The following NBAS variants were observed in gnomAD, a reference collection of about 807,000 sequenced individuals.
NBAS encodes the protein NAG/BC035112 fusion.
In NBAS, 219 loss-of-function variants were observed where a neutral mutation model predicts 302.5. The ratio of observed to expected loss-of-function variants is 0.72; its 90% CI spans 0.65 to 0.81. The LOEUF (loss-of-function observed/expected upper bound fraction) is 0.81, where lower values mean the gene tolerates loss of function less well. Ranked by LOEUF, NBAS falls within the 30% of genes least tolerant of loss-of-function variation. The pLI is 0.00. For synonymous variants in NBAS, 1,118 were observed against 1,021.6 expected, an observed-to-expected ratio of 1.09 and a Z score of -1.80; for missense variants, 2,932 against 2,841.6, an observed-to-expected ratio of 1.03 and a Z score of -0.72.
rs78403773 is a variant in NBAS, at chr2:15,364,005, G to A, written c.3817+2575C>T. On this transcript the variant is annotated intron_variant, in intron 32 of 51. Coordinates refer to ENST00000281513, the MANE Select transcript of NBAS (RefSeq NM_015909.4). Reference sequence around the variant, plus strand: ...GAACACACTCAAGCAGCCCAATGGAGAGTTCCATGTAGCAGGAAACTGAGG... The same window carrying A: ...GAACACACTCAAGCAGCCCAATGGAAAGTTCCATGTAGCAGGAAACTGAGG... 8.4e-3 allele frequency among the ~76,000 whole-genome samples: 1,285 copies of A among 152,258 alleles called. 19 individuals carry two copies. Among genetic ancestry groups the A allele is most frequent in the East Asian group, 0.059 (304 of 5,158 alleles).
chr2:14,897,936 G>A, the NBAS span, among the ~76,000 whole-genome samples: 10 of 152,198 alleles, frequency 6.6e-5, no homozygotes, highest in Non-Finnish European at 1.0e-4. Context: ...AAGGCTTGAT[G>A]TTGGACACTT....
intron 44 of NBAS, among the ~76,000 whole-genome samples, chr2:15,240,642 CAG>C (rs770133504): frequency 3.3e-5 from 5 of 151,806 alleles, no homozygotes; most frequent in African/African-American, 7.3e-5. Context: ...AAAATGCTGA[CAG>C]GGGACATTTT....
At chr2:14,837,623 A>T in the NBAS span, among the ~76,000 whole-genome samples, 1 of 151,684 alleles carries the variant, frequency 6.6e-6, no homozygotes, top group Admixed American at 6.6e-5. Flanking sequence ...TTTTATGTTT[A>T]TTCTTGTGAC....
the NBAS span, among the ~76,000 whole-genome samples, chr2:14,878,570 A>C: frequency 6.6e-6 from 1 of 152,218 alleles, no homozygotes; most frequent in Non-Finnish European, 1.5e-5. Context: ...ACCTCCACTC[A>C]GAAGCTGGGA....
At chr2:15,146,826 G>A in the NBAS span, among the ~76,000 whole-genome samples, 2 of 152,106 alleles carry the variant, frequency 1.3e-5, no homozygotes, top group East Asian at 1.9e-4. Flanking sequence ...GAGTGAGCAC[G>A]ACCCACACAT....
the NBAS span, among the ~76,000 whole-genome samples, chr2:14,867,018 C>T: frequency 6.6e-6 from 1 of 151,982 alleles, no homozygotes; most frequent in Non-Finnish European, 1.5e-5. Flanking sequence ...GAATTTTGTG[C>T]CAAAAAGATC....
At chr2:15,349,795 A>T (rs933070479) in intron 35 of NBAS, among the ~76,000 whole-genome samples, 4 of 152,200 alleles carry the variant, frequency 2.6e-5, no homozygotes, top group Middle Eastern at 3.2e-3. Context: ...CTCAAAAATA[A>T]ATAAATTAAT....
intron 35 of NBAS, among the ~76,000 whole-genome samples, chr2:15,345,452 T>C (rs921201914): frequency 6.6e-6 from 1 of 152,104 alleles, no homozygotes; most frequent in Non-Finnish European, 1.5e-5. Flanking sequence ...ACAAGGGATG[T>C]GAAGGACCTC....
At chr2:15,215,631 A>C (rs990738972) in intron 48 of NBAS, among the ~76,000 whole-genome samples, 2 of 152,216 alleles carry the variant, frequency 1.3e-5, no homozygotes, top group Non-Finnish European at 2.9e-5. Context: ...AAAAAACAAG[A>C]GCTCATACAG....
rs140555177 is a variant in NBAS at position 15,474,228 on chromosome 2, A to G, written c.1438T>C (p.Ser480Pro). The G allele has an allele frequency of 1.1e-4, 180 of 1,614,128 alleles. 1 individual carries two copies. In the Middle Eastern group the frequency reaches 2.1e-3, roughly 19 times the overall value. ...EEDSDSDYEISAKARYFGYIK... is the reference protein window; with the variant it reads ...EEDSDSDYEIPAKARYFGYIK... ...TAACCAAAGTAGCGAGCCTTGGCAG[A>G]TATTTCATAATCAGAATCAGAATCC... is the stretch of plus-strand genomic sequence containing the variant. Residue 480 changes from serine to proline, a missense_variant, in exon 15 of 52, where the codon TCT (serine) becomes CCT (proline). By Grantham distance (74) the Ser-to-Pro change is moderately conservative. Transcript: ENST00000281513.
the NBAS span, among the ~76,000 whole-genome samples, chr2:15,031,780 G>A: frequency 6.6e-6 from 1 of 152,218 alleles, no homozygotes; most frequent in Non-Finnish European, 1.5e-5. Flanking sequence ...TACTGCACTG[G>A]GCGAGCAAGT....
At chr2:15,252,385 C>T (rs1236504421) in intron 44 of NBAS, among the ~76,000 whole-genome samples, 1 of 152,060 alleles carries the variant, frequency 6.6e-6, no homozygotes, top group Non-Finnish European at 1.5e-5. Context: ...GTAATCCCAA[C>T]TACTCAGGAA....
At chr2:15,515,383 G>A (rs992810741) in intron 9 of NBAS, among the ~76,000 whole-genome samples, 1 of 152,144 alleles carries the variant, frequency 6.6e-6, no homozygotes, top group African/African-American at 2.4e-5. Flanking sequence ...TGGAAAACAT[G>A]TCTCTACAAA....
chr2:15,347,345 A>G (rs997484369), intron 35 of NBAS, among the ~76,000 whole-genome samples: 1 of 152,194 alleles, frequency 6.6e-6, no homozygotes, highest in Admixed American at 6.6e-5. Flanking sequence ...AGACTTTTAC[A>G]TCAATGTTCA....
At chr2:15,284,337 A>G (rs1377975428) in intron 42 of NBAS, among the ~76,000 whole-genome samples, 1 of 152,220 alleles carries the variant, frequency 6.6e-6, no homozygotes, top group Non-Finnish European at 1.5e-5. Context: ...CCTTGCTTAA[A>G]GAGGAGGAAA....
chr2:14,780,310 C>T, the NBAS span, among the ~76,000 whole-genome samples: 1 of 152,194 alleles, frequency 6.6e-6, no homozygotes, highest in Non-Finnish European at 1.5e-5. Flanking sequence ...AGCCAAAACT[C>T]TTAATCATGT....
At chr2:15,059,534 T>C in the NBAS span, among the ~76,000 whole-genome samples, 1 of 152,048 alleles carries the variant, frequency 6.6e-6, no homozygotes, top group Admixed American at 6.5e-5. Context: ...GCCTGAGTGA[T>C]GGACAGGGCC....
chr2:15,038,576 C>T, the NBAS span, among the ~76,000 whole-genome samples: 1 of 152,188 alleles, frequency 6.6e-6, no homozygotes, highest in Non-Finnish European at 1.5e-5. Context: ...ACATCTGCTG[C>T]CTGGTGCCCT....
At chr2:15,477,434 T>C (rs545546266) in intron 13 of NBAS, among the ~76,000 whole-genome samples, 2 of 152,216 alleles carry the variant, frequency 1.3e-5, no homozygotes, top group East Asian at 3.9e-4. Context: ...GCTAATTTTT[T>C]ATTTCCAGTA....
Sources: gnomAD v4.1 joint callset for allele counts (sites outside exome capture counted in the v4.1 genomes callset) on GRCh38, gnomAD v4.1.1 for gene constraint, MANE v1.5 for transcripts, NCBI Gene and HGNC (gene_info 2026-07-23, HGNC 2026-07-21) for gene names.